The following CHN2 variants were observed in gnomAD, a reference collection of about 807,000 sequenced individuals.
The protein encoded by CHN2 is chimerin 2, also known as beta-chimaerin.
Under a neutral mutation model 56.3 loss-of-function variants are expected in CHN2, and 35 were observed. That is an observed-to-expected ratio of 0.62 (90% CI 0.47 to 0.82). The LOEUF is 0.82. CHN2 is among the 40% of genes least tolerant of loss of function. CHN2 has a pLI of 0.00. For synonymous variants in CHN2, 210 were observed against 212.8 expected, an observed-to-expected ratio of 0.99 and a Z score of 0.12; for missense variants, 491 against 580.5, an observed-to-expected ratio of 0.85 and a Z score of 1.58.
intron 1 of CHN2, among the ~76,000 whole-genome samples, chr7:29,271,280 C>T (rs1790618108): frequency 1.3e-5 from 2 of 152,228 alleles, no homozygotes; most frequent in South Asian, 2.1e-4. Context: ...TCATTGTCTG[C>T]ATCTAGTGAA....
At chr7:29,351,107 C>CAAAAAA (rs55787771) in intron 1 of CHN2, among the ~76,000 whole-genome samples, 912 of 69,630 alleles carry the variant, frequency 0.013, 20 homozygotes, top group Non-Finnish European at 0.019. Context: ...GACTCCATCT[C>CAAAAAA]AAAAAAAAAA....
At chr7:29,416,020 C>A (rs1803703195) in intron 6 of CHN2, among the ~76,000 whole-genome samples, 1 of 152,176 alleles carries the variant, frequency 6.6e-6, no homozygotes, top group Non-Finnish European at 1.5e-5. Flanking sequence ...GCAGGAAACC[C>A]ATTATTCCAC....
rs189479033 is a variant in CHN2 at position 29,470,127 on chromosome 7, G to A, written c.577-10152G>A. Among the ~76,000 whole-genome samples the A allele has an allele frequency of 9.3e-4, 142 of 152,314 alleles. 1 individual carries two copies. The highest frequency in any genetic ancestry group is 3.3e-3 in the African/African-American group (138 of 41,568). The stretch of plus-strand genomic sequence containing the variant: ...CAGTCTCTTTTCCAGAGCAGGGAGT[G>A]GCTTGAGAGGTGTCTGCATCAATCA... On this transcript the variant is annotated intron_variant, in intron 6 of 12. Coordinates refer to ENST00000222792, the MANE Select transcript of CHN2 (RefSeq NM_004067.4).
rs1469058810 is a variant in CHN2 at position 29,480,370 on chromosome 7, T to C, written c.654+14T>C. 3.1e-6 allele frequency: 5 copies of C among 1,612,578 alleles called. No individual in the cohort carries two copies. Among genetic ancestry groups the C allele is most frequent in the Non-Finnish European group, 3.4e-6 (4 of 1,178,518 alleles). On this transcript the variant is annotated intron_variant, in intron 7 of 12. Transcript: ENST00000222792. ...CACAACTTTAAGGTAAGCAAGCCTCTGCATTCCTTCTTCTGTTACAAAAGG... is the reference window on the plus strand; with the variant it reads ...CACAACTTTAAGGTAAGCAAGCCTCCGCATTCCTTCTTCTGTTACAAAAGG...
chr7:29,304,968 G>A (rs1307644142), intron 1 of CHN2, among the ~76,000 whole-genome samples: 1 of 152,196 alleles, frequency 6.6e-6, no homozygotes, highest in Non-Finnish European at 1.5e-5. Flanking sequence ...CGGAGGATAC[G>A]TCTGTTTCCC....
At chr7:29,227,122 C>G (rs1019603072) in intron 1 of CHN2, among the ~76,000 whole-genome samples, 2 of 152,164 alleles carry the variant, frequency 1.3e-5, no homozygotes, top group Admixed American at 1.3e-4. Context: ...TTACTGCAGA[C>G]CATGTGTTTC....
intron 1 of CHN2, among the ~76,000 whole-genome samples, chr7:29,277,454 T>A (rs1207461127): frequency 1.3e-5 from 2 of 152,160 alleles, no homozygotes; most frequent in Non-Finnish European, 2.9e-5. Flanking sequence ...TACCCACAAA[T>A]GCTCCACAGC....
chr7:29,233,185 T>G (rs1044134367), intron 1 of CHN2, among the ~76,000 whole-genome samples: 3 of 152,232 alleles, frequency 2.0e-5, no homozygotes, highest in African/African-American at 7.2e-5. Context: ...ACAGGTTCTT[T>G]GTGCCTCATT....
chr7:29,364,711 T>C (rs966606824), intron 2 of CHN2, among the ~76,000 whole-genome samples: 1 of 152,252 alleles, frequency 6.6e-6, no homozygotes, highest in Non-Finnish European at 1.5e-5. Flanking sequence ...TCCTCACGTA[T>C]TAAAAGAAGC....
intron 6 of CHN2, among the ~76,000 whole-genome samples, chr7:29,409,096 C>T (rs1293041988): frequency 6.6e-6 from 1 of 152,206 alleles, no homozygotes; most frequent in East Asian, 1.9e-4. Flanking sequence ...TCAGGCTACA[C>T]AGTGGCTTGG....
Position 29,269,730 on chromosome 7 carries a change from G to A in CHN2, c.49+74740G>A, listed in dbSNP as rs117707039. Among the ~76,000 whole-genome samples the A allele has an allele frequency of 1.6e-3, 247 of 152,314 alleles. 4 individuals carry two copies. The East Asian group carries it at 0.041, about 25-fold the overall frequency. ...TTCTTTAGCAACCAGTTCATAAGAG[G>A]AGGAAGGATCATAAATCAAAAGGAC... On this transcript the variant is annotated intron_variant, in intron 1 of 12. Transcript: ENST00000222792.
At chr7:29,247,152 A>G (rs1443526034) in intron 1 of CHN2, among the ~76,000 whole-genome samples, 1 of 152,190 alleles carries the variant, frequency 6.6e-6, no homozygotes, top group Non-Finnish European at 1.5e-5. Flanking sequence ...AGAAGGTGGG[A>G]TAGGAGGGCA....
intron 1 of CHN2, among the ~76,000 whole-genome samples, chr7:29,267,064 C>T (rs1217715789): frequency 2.0e-5 from 3 of 152,014 alleles, no homozygotes; most frequent in East Asian, 1.9e-4. Context: ...TCAAGCCCCA[C>T]CCACCCCTCT....
intron 1 of CHN2, among the ~76,000 whole-genome samples, chr7:29,248,259 T>A (rs959345711): frequency 1.4e-4 from 21 of 152,224 alleles, no homozygotes; most frequent in Non-Finnish European, 2.9e-4. Context: ...TGACATGTGC[T>A]ATCGGACCAG....
intron 2 of CHN2, among the ~76,000 whole-genome samples, chr7:29,174,738 T>C (rs547147545): frequency 4.2e-4 from 64 of 151,796 alleles, no homozygotes; most frequent in African/African-American, 1.4e-3. Context: ...CACACACCTG[T>C]AATCCCAGCT....
chr7:29,509,611 G>A (rs576168693), intron 12 of CHN2: 250 of 422,306 alleles, frequency 5.9e-4, no homozygotes, highest in African/African-American at 4.1e-3. Context: ...TTGGGAGGCC[G>A]AGGTGGGCGG....
chr7:29,341,817 C>T (rs1797069585), intron 1 of CHN2, among the ~76,000 whole-genome samples: 2 of 152,206 alleles, frequency 1.3e-5, no homozygotes, highest in Non-Finnish European at 2.9e-5. Flanking sequence ...GCTGATTCCT[C>T]CTATGGGACT....
intron 1 of CHN2, among the ~76,000 whole-genome samples, chr7:29,351,547 T>G (rs1332147547): frequency 2.0e-5 from 3 of 152,152 alleles, no homozygotes; most frequent in African/African-American, 7.2e-5. Flanking sequence ...AAGGCCACTT[T>G]ACAGGAACCT....
chr7:29,354,940 T>TTTTTTTTATTTATTTA (rs147269443), intron 2 of CHN2, among the ~76,000 whole-genome samples: 5 of 142,012 alleles, frequency 3.5e-5, no homozygotes, highest in Admixed American at 1.4e-4. Flanking sequence ...GGGGCTTTAT[T>TTTTTTTTATTTATTTA]TTTATTTATT....
Sources: gnomAD v4.1 joint callset for allele counts (sites outside exome capture counted in the v4.1 genomes callset) on GRCh38, gnomAD v4.1.1 for gene constraint, MANE v1.5 for transcripts, NCBI Gene and HGNC (gene_info 2026-07-23, HGNC 2026-07-21) for gene names.